The following ADGRA1 variants were observed in gnomAD, a reference collection of about 807,000 sequenced individuals.
The protein encoded by ADGRA1 is G-protein coupled receptor 123.
ADGRA1 carries 12 observed loss-of-function variants against 21.3 expected under a neutral mutation model. The ratio of observed to expected loss-of-function variants is 0.56; its 90% CI spans 0.36 to 0.91. The LOEUF (loss-of-function observed/expected upper bound fraction) is 0.91, where lower values mean the gene tolerates loss of function less well. Among genes scored for constraint, ADGRA1 ranks in the 40% least tolerant of loss-of-function variants. The pLI, the probability that ADGRA1 is intolerant of heterozygous loss-of-function variation, is 0.01. For missense variants in ADGRA1, 790 were observed against 805.6 expected, an observed-to-expected ratio of 0.98 and a Z score of 0.23; for synonymous variants, 385 against 368.8, an observed-to-expected ratio of 1.04 and a Z score of -0.50.
intron 5 of ADGRA1, among the ~76,000 whole-genome samples, chr10:133,103,522 C>T (rs918618770): frequency 2.0e-5 from 3 of 152,224 alleles, no homozygotes; most frequent in African/African-American, 4.8e-5. Context: ...GGTCCCCATC[C>T]ATCCTCAGGC....
chr10:133,121,558 G>A (rs540128384), intron 5 of ADGRA1, among the ~76,000 whole-genome samples: 2 of 149,812 alleles, frequency 1.3e-5, no homozygotes, highest in East Asian at 4.0e-4. Context: ...GTGTGAGTGT[G>A]CTTGTTTGTG....
At chr10:133,117,733 TG>T (rs1483683862) in intron 5 of ADGRA1, among the ~76,000 whole-genome samples, 1 of 152,166 alleles carries the variant, frequency 6.6e-6, no homozygotes, top group Non-Finnish European at 1.5e-5. Flanking sequence ...CCTCAGTGGT[TG>T]AAATAACAAG....
chr10:133,120,165 A>G (rs751617592), intron 5 of ADGRA1, among the ~76,000 whole-genome samples: 1 of 152,230 alleles, frequency 6.6e-6, no homozygotes, highest in Non-Finnish European at 1.5e-5. Context: ...GCACTTTGGG[A>G]GGCCGAGGCA....
In ADGRA1 at chr10:133,112,900, G is replaced by T. The variant is rs1218230289; in HGVS notation, c.401+10058G>T. ...TGGGGTCTGCGGGCCGCGTCAGTTC[G>T]GTTATTTGGGGTCTGTAAGCTGTGT... On this transcript the variant is annotated intron_variant, in intron 5 of 6. Transcript: ENST00000392607. 1.4e-4 allele frequency among the ~76,000 whole-genome samples: 18 copies of T among 127,250 alleles called. 2 individuals are homozygous for T. The highest frequency in any genetic ancestry group is 5.4e-4 in the African/African-American group (18 of 33,456). 83.5% of individuals were successfully genotyped at this position (127,250 alleles called of 152,430 possible).
chr10:133,098,817 T>C (rs1851736459), intron 4 of ADGRA1, 54 bp downstream of exon 4: 3 of 1,565,590 alleles, frequency 1.9e-6, no homozygotes, highest in African/African-American at 1.4e-5. Flanking sequence ...TGCGTGAGCG[T>C]CGTCTTGTTT....
At chr10:133,097,356 C>T (rs1415401487) in intron 3 of ADGRA1, among the ~76,000 whole-genome samples, 9 of 152,340 alleles carry the variant, frequency 5.9e-5, no homozygotes, top group East Asian at 1.9e-4. Context: ...CGGCATCCCC[C>T]GTGTCCTTAA....
chr10:133,107,716 T>C (rs951488836), intron 5 of ADGRA1, among the ~76,000 whole-genome samples: 1 of 152,198 alleles, frequency 6.6e-6, no homozygotes, highest in Non-Finnish European at 1.5e-5. Flanking sequence ...CTCCACATAG[T>C]CATTTCTGCT....
At chr10:133,105,436 C>A (rs542913555) in intron 5 of ADGRA1, among the ~76,000 whole-genome samples, 1 of 151,918 alleles carries the variant, frequency 6.6e-6, no homozygotes, top group East Asian at 1.9e-4. Flanking sequence ...GAACTCAGGA[C>A]GCTCCTGAGC....
At chr10:133,117,611 AGAG>A (rs537240948) in intron 5 of ADGRA1, among the ~76,000 whole-genome samples, 214 of 152,362 alleles carry the variant, frequency 1.4e-3, no homozygotes, top group African/African-American at 5.0e-3. Context: ...TGGACGGCCA[AGAG>A]GAGGCTGCCA....
chr10:133,123,116 G>A (rs942534322), intron 5 of ADGRA1, among the ~76,000 whole-genome samples: 3 of 152,190 alleles, frequency 2.0e-5, no homozygotes, highest in South Asian at 2.1e-4. Flanking sequence ...CTGCAGGCTC[G>A]TCCCACCCAT....
chr10:133,118,381 C>T (rs1057264586), intron 5 of ADGRA1, among the ~76,000 whole-genome samples: 2 of 152,094 alleles, frequency 1.3e-5, no homozygotes, highest in Admixed American at 6.6e-5. Context: ...TTTCACACTG[C>T]CATAAAGAAA....
intron 5 of ADGRA1, among the ~76,000 whole-genome samples, chr10:133,121,479 T>C (rs1238421032): frequency 6.7e-6 from 1 of 149,022 alleles, no homozygotes; most frequent in Non-Finnish European, 1.5e-5. Context: ...CGTGTGTGCA[T>C]GTGTGGTGTG....
chr10:133,102,288 G>A (rs768259017), intron 4 of ADGRA1: 12 of 500,260 alleles, frequency 2.4e-5, no homozygotes, highest in Admixed American at 4.1e-5. Context: ...GCATCCTGGC[G>A]TGACCCCACT....
chr10:133,108,369 A>G (rs1564847865), intron 5 of ADGRA1, among the ~76,000 whole-genome samples: 1 of 152,156 alleles, frequency 6.6e-6, no homozygotes, highest in Non-Finnish European at 1.5e-5. Context: ...GTGCAGCCTC[A>G]ACCGAGGAGT....
At chr10:133,099,706 G>A (rs988628927) in intron 4 of ADGRA1, among the ~76,000 whole-genome samples, 2 of 152,134 alleles carry the variant, frequency 1.3e-5, no homozygotes, top group Non-Finnish European at 2.9e-5. Flanking sequence ...CCACAGCTCC[G>A]GGGCGGCTCC....
intron 4 of ADGRA1, among the ~76,000 whole-genome samples, chr10:133,100,160 C>T (rs910343254): frequency 3.3e-5 from 5 of 152,244 alleles, no homozygotes; most frequent in African/African-American, 1.2e-4. Context: ...GCCAGGAGGC[C>T]GTGCCCCCGG....
chr10:133,114,028 A>G (rs866588128), intron 5 of ADGRA1, among the ~76,000 whole-genome samples: 2 of 152,208 alleles, frequency 1.3e-5, no homozygotes, highest in African/African-American at 2.4e-5. Context: ...CCCTGACTCT[A>G]GACACCATGA....
At position 133,112,770 on chromosome 10, in the gene ADGRA1, GTAA is replaced by G. The variant is rs879294723; in HGVS notation, c.401+9929_401+9931del. Among the ~76,000 whole-genome samples the G allele has an allele frequency of 5.6e-3, 786 of 139,322 alleles. 5 individuals carry two copies. Among genetic ancestry groups the G allele is most frequent in the South Asian group, 9.5e-3 (39 of 4,104 alleles). The allele number at this position is 139,322 out of a possible 152,430, so 91.4% of individuals were successfully genotyped here. ...GGGCCGCGTCGGTTATTTGGGGTCTGTAAGCTATGTCGGTTATTTGGGGTCTGC... is the reference window on the plus strand; with the variant it reads ...GGGCCGCGTCGGTTATTTGGGGTCTGGCTATGTCGGTTATTTGGGGTCTGC... On this transcript the variant is annotated intron_variant, in intron 5 of 6. Coordinates refer to ENST00000392607, the MANE Select transcript of ADGRA1 (RefSeq NM_001083909.3).
chr10:133,093,348 C>G, intron 2 of ADGRA1: 1 of 1,457,130 alleles, frequency 6.9e-7, no homozygotes, highest in Non-Finnish European at 9.2e-7. Flanking sequence ...AACACCCTGA[C>G]CCACTTGATT....
Sources: allele counts gnomAD v4.1 joint callset (sites outside exome capture counted in the v4.1 genomes callset), GRCh38; gene constraint gnomAD v4.1.1; transcripts MANE v1.5; gene names NCBI Gene and HGNC (gene_info 2026-07-23, HGNC 2026-07-21).